Variants in JAZF1 observed in about 807,000 individuals in gnomAD.
The protein encoded by JAZF1 is juxtaposed with another zinc finger protein 1.
Under a neutral mutation model 26.4 loss-of-function variants are expected in JAZF1, and 8 were observed. That is an observed-to-expected ratio of 0.30 (90% CI 0.18 to 0.55). The LOEUF is 0.55. JAZF1 is among the 20% of genes least tolerant of loss of function. The pLI, the probability that JAZF1 is intolerant of heterozygous loss-of-function variation, is 0.94. For synonymous variants in JAZF1, 126 were observed against 122.3 expected, an observed-to-expected ratio of 1.03 and a Z score of -0.20; for missense variants, 199 against 322.0, an observed-to-expected ratio of 0.62 and a Z score of 2.92.
chr7:28,006,823 T>C (rs1782710033), intron 1 of JAZF1, among the ~76,000 whole-genome samples: 1 of 152,248 alleles, frequency 6.6e-6, no homozygotes, highest in African/African-American at 2.4e-5. Flanking sequence ...GTAACAATGC[T>C]CTCTAATTAA....
chr7:28,140,620 G>A (rs1418115109), intron 1 of JAZF1, among the ~76,000 whole-genome samples: 11 of 151,552 alleles, frequency 7.3e-5, no homozygotes, highest in South Asian at 2.1e-4. Flanking sequence ...TTTACTGTCC[G>A]GTCCCCCGTG....
At chr7:28,118,091 T>A (rs1784776289) in intron 1 of JAZF1, 1 of 152,216 alleles carries the variant, frequency 6.6e-6, no homozygotes, top group Admixed American at 6.5e-5. Flanking sequence ...AAATGACGTT[T>A]CTTTGAGTGT....
intron 3 of JAZF1, among the ~76,000 whole-genome samples, chr7:27,883,082 T>C (rs1783798807): frequency 6.6e-6 from 1 of 152,246 alleles, no homozygotes; most frequent in African/African-American, 2.4e-5. Context: ...AAGTGTGCAC[T>C]GATGGATGTT....
At chr7:27,938,866 CCT>C (rs1214201175) in intron 2 of JAZF1, among the ~76,000 whole-genome samples, 1 of 150,728 alleles carries the variant, frequency 6.6e-6, no homozygotes, top group African/African-American at 2.5e-5. Context: ...GTCTCAAACT[CCT>C]GAGTTCAAGC....
chr7:28,072,689 G>A (rs774447123), intron 1 of JAZF1, among the ~76,000 whole-genome samples: 54 of 152,252 alleles, frequency 3.5e-4, no homozygotes, highest in Non-Finnish European at 6.9e-4. Context: ...TATAATTAAC[G>A]TTTTAGAAGG....
intron 1 of JAZF1, among the ~76,000 whole-genome samples, chr7:27,995,577 C>G (rs1170229501): frequency 6.6e-6 from 1 of 152,152 alleles, no homozygotes. Context: ...TAAAATAATT[C>G]ACATATTAAA....
intron 3 of JAZF1, among the ~76,000 whole-genome samples, chr7:27,894,892 ATATAT>A (rs1784032613): frequency 6.6e-6 from 1 of 152,206 alleles, no homozygotes; most frequent in Non-Finnish European, 1.5e-5. Flanking sequence ...AACGTTCATA[ATATAT>A]TTAGTTGTAA....
intron 1 of JAZF1, among the ~76,000 whole-genome samples, chr7:28,165,635 G>T (rs1333196163): frequency 6.6e-6 from 1 of 152,034 alleles, no homozygotes; most frequent in Non-Finnish European, 1.5e-5. Flanking sequence ...GCCTCTGCCT[G>T]GAACATTCTT....
intron 2 of JAZF1, among the ~76,000 whole-genome samples, chr7:27,976,699 G>GA (rs57949732): frequency 0.085 from 12,436 of 145,808 alleles, 606 homozygotes; most frequent in African/African-American, 0.14. Context: ...GTGGTTTCAT[G>GA]AAAAAAAAAA....
chr7:28,173,987 A>T (rs768111976), intron 1 of JAZF1, among the ~76,000 whole-genome samples: 5 of 152,078 alleles, frequency 3.3e-5, no homozygotes, highest in Non-Finnish European at 5.9e-5. Context: ...AAATATATTA[A>T]ATGGAAGGCA....
At chr7:27,976,340 G>A (rs112339849) in intron 2 of JAZF1, among the ~76,000 whole-genome samples, 10 of 56,150 alleles carry the variant, frequency 1.8e-4, no homozygotes, top group South Asian at 8.9e-4. Flanking sequence ...GCCAGACTCC[G>A]TCTCAAAAAA....
chr7:27,924,368 G>A (rs1237922511), intron 2 of JAZF1, among the ~76,000 whole-genome samples: 1 of 152,156 alleles, frequency 6.6e-6, no homozygotes, highest in African/African-American at 2.4e-5. Flanking sequence ...GAGCCAGTGT[G>A]CCCAGCTCAC....
At chr7:27,850,804 T>C (rs1783131527) in intron 3 of JAZF1, among the ~76,000 whole-genome samples, 1 of 149,904 alleles carries the variant, frequency 6.7e-6, no homozygotes, top group East Asian at 1.9e-4. Context: ...CTTTCAGCTC[T>C]GAAGGACCAT....
At chr7:28,115,787 T>C (rs1043428758) in intron 1 of JAZF1, among the ~76,000 whole-genome samples, 2 of 152,160 alleles carry the variant, frequency 1.3e-5, no homozygotes, top group East Asian at 1.9e-4. Flanking sequence ...ACCACTTTTA[T>C]TGAACTCCTT....
In JAZF1 at chr7:27,968,891, G is replaced by C. The variant is rs149760160; in HGVS notation, c.188+23018C>G. The stretch of plus-strand genomic sequence containing the variant: ...GTCTAAGCAACTTCCCAGCTAATTT[G>C]CTCCAAATGAATTTACCCCAATAAT... On this transcript the variant is annotated intron_variant, in intron 2 of 4. Coordinates refer to ENST00000283928, the MANE Select transcript of JAZF1 (RefSeq NM_175061.4). 3.2e-4 allele frequency among the ~76,000 whole-genome samples: 48 copies of C among 152,132 alleles called. No homozygotes were observed. The East Asian group carries it at 7.9e-3, about 25-fold the overall frequency.
At chr7:28,168,449 A>G (rs1177364375) in intron 1 of JAZF1, among the ~76,000 whole-genome samples, 3 of 151,592 alleles carry the variant, frequency 2.0e-5, no homozygotes, top group Admixed American at 6.6e-5. Flanking sequence ...CTCTCTCTCA[A>G]ATAATAATAA....
chr7:27,914,493 G>A (rs1298168897), intron 2 of JAZF1, among the ~76,000 whole-genome samples: 1 of 152,154 alleles, frequency 6.6e-6, no homozygotes, highest in Non-Finnish European at 1.5e-5. Context: ...CCCAGCTTCT[G>A]TTTTGTTTAG....
intron 1 of JAZF1, among the ~76,000 whole-genome samples, chr7:28,090,369 CT>C (rs1189457890): frequency 6.6e-6 from 1 of 152,210 alleles, no homozygotes; most frequent in Non-Finnish European, 1.5e-5. Flanking sequence ...AATCTTAATA[CT>C]GGGTTTCCCC....
chr7:27,854,784 C>G (rs996429486), intron 3 of JAZF1, among the ~76,000 whole-genome samples: 1 of 152,200 alleles, frequency 6.6e-6, no homozygotes, highest in Non-Finnish European at 1.5e-5. Flanking sequence ...TGACCTTTCT[C>G]TCTGTCTGCC....
Sources: allele counts gnomAD v4.1 joint callset (sites outside exome capture counted in the v4.1 genomes callset), GRCh38; gene constraint gnomAD v4.1.1; transcripts MANE v1.5; gene names NCBI Gene and HGNC (gene_info 2026-07-23, HGNC 2026-07-21).